The following DOCK9 variants were observed in gnomAD, a reference collection of about 807,000 sequenced individuals.
The protein encoded by DOCK9 is dedicator of cytokinesis protein 9.
In DOCK9, 89 loss-of-function variants were observed where a neutral mutation model predicts 263.3. That is an observed-to-expected ratio of 0.34 (90% confidence interval 0.28 to 0.40). The LOEUF (loss-of-function observed/expected upper bound fraction) is 0.40, where lower values mean the gene tolerates loss of function less well. Among genes scored for constraint, DOCK9 ranks in the 10% least tolerant of loss-of-function variants. DOCK9 has a pLI of 1.00. For synonymous variants in DOCK9, 976 were observed against 973.1 expected, an observed-to-expected ratio of 1.00 and a Z score of -0.06; for missense variants, 2,140 against 2,603.4, an observed-to-expected ratio of 0.82 and a Z score of 3.87.
At chr13:98,826,122 C>T in intron 44 of DOCK9, 1 of 452,958 alleles carries the variant, frequency 2.2e-6, no homozygotes, top group Non-Finnish European at 3.9e-6. Flanking sequence ...CACACTATTT[C>T]TCACTTCGTA....
chr13:99,088,522 A>C (rs1486449588), upstream of DOCK9: 1 of 152,234 alleles, frequency 6.6e-6, no homozygotes, highest in African/African-American at 2.4e-5. Context: ...GTACCAGACA[A>C]CACAAACTTT....
chr13:98,858,046 C>T (rs2093750920), intron 33 of DOCK9: 1 of 152,012 alleles, frequency 6.6e-6, no homozygotes, highest in African/African-American at 2.4e-5. Flanking sequence ...GCCCTAAGTT[C>T]TCAGAGTCTC....
At position 98,930,251 on chromosome 13, in the gene DOCK9, T is replaced by C. The variant is rs1595416307; in HGVS notation, c.250A>G (p.Ile84Val). Residue 84 changes from isoleucine to valine, a missense_variant, in exon 3 of 53, where the codon ATC becomes GTC. Ile to Val is a conservative substitution (Grantham distance 29). Coordinates refer to ENST00000682017, the MANE Select transcript of DOCK9 (RefSeq NM_001366683.2). ...LFPYDDFQTA[I>V]LRRQGRYICS... ...ATGTATCGACCCTGTCGTCTCAGGA[T>C]GGCCGTCTGGAAACAAAAACAGGAG... 2.5e-6 allele frequency: 4 copies of C among 1,609,402 alleles called. No homozygotes were observed. In the East Asian group the frequency reaches 8.9e-5, roughly 36 times the overall value.
At chr13:98,977,745 T>C (rs1875427052) in intron 1 of DOCK9, 39 bp downstream of exon 1, 2 of 1,602,182 alleles carry the variant, frequency 1.2e-6, no homozygotes, top group Admixed American at 1.7e-5. Context: ...AACCCAGCAT[T>C]GGGTAGACAC....
intron 1 of DOCK9, among the ~76,000 whole-genome samples, chr13:99,085,751 G>A (rs117818461): frequency 0.026 from 3,975 of 151,894 alleles, 83 homozygotes; most frequent in Non-Finnish European, 0.04. Flanking sequence ...GGTTAGCAGG[G>A]GCATCTCCCA....
In DOCK9 at chr13:98,805,066, T is replaced by C. The variant is rs1361603059; in HGVS notation, c.5658A>G (p.Pro1886=). The change falls in exon 49 of 53, where the codon CCA becomes CCG. Residue 1886 remains proline, a synonymous_variant. Transcript: ENST00000682017. ...HNIRRFMFEM[P]FTQTGKRQGG... Reference sequence around the variant, plus strand: ...CCTGCCTCTTCCCGGTCTGCGTAAATGGCATCTCAAACATGAAGCGGCGGA... The same window carrying C: ...CCTGCCTCTTCCCGGTCTGCGTAAACGGCATCTCAAACATGAAGCGGCGGA... The C allele has an allele frequency of 1.4e-5, 23 of 1,612,414 alleles. No individual in the cohort carries two copies. Among genetic ancestry groups the C allele is most frequent in the South Asian group, 2.2e-5 (2 of 90,576 alleles).
chr13:98,892,238 C>T (rs1209598574), intron 15 of DOCK9, among the ~76,000 whole-genome samples: 2 of 152,090 alleles, frequency 1.3e-5, no homozygotes, highest in African/African-American at 4.8e-5. Flanking sequence ...TTCCCACTGC[C>T]CATCCATTTC....
intron 1 of DOCK9, among the ~76,000 whole-genome samples, chr13:99,056,035 C>A (rs1290929943): frequency 6.6e-6 from 1 of 152,110 alleles, no homozygotes; most frequent in Non-Finnish European, 1.5e-5. Context: ...TGAAACAGAA[C>A]CTGGTCTGGT....
intron 1 of DOCK9, among the ~76,000 whole-genome samples, chr13:99,052,654 G>A (rs544979236): frequency 4.6e-5 from 7 of 151,980 alleles, no homozygotes; most frequent in South Asian, 4.1e-4. Flanking sequence ...GGAGAGCAAC[G>A]CAGTGGTGCA....
chr13:99,009,486 ACCTC>A (rs1270035781), intron 1 of DOCK9, among the ~76,000 whole-genome samples: 1 of 152,002 alleles, frequency 6.6e-6, no homozygotes, highest in Non-Finnish European at 1.5e-5. Flanking sequence ...CCTTCATGAC[ACCTC>A]GAGGCAGATA....
In DOCK9 at chr13:98,845,966, G is replaced by T. The variant is rs777618453; in HGVS notation, c.4156C>A (p.Gln1386Lys). 1.2e-6 allele frequency: 2 copies of T among 1,613,290 alleles called. No homozygotes were observed. The highest frequency in any genetic ancestry group is 1.1e-5 in the South Asian group (1 of 90,780). The change falls in exon 38 of 53, where the codon CAG becomes AAG. Residue 1386 changes from glutamine to lysine, a missense_variant. Physicochemically the swap from Gln to Lys is moderately conservative, Grantham distance 53. Around this residue, in one of 2 missense-constraint regions of DOCK9, gnomAD observed 1,521 missense variants for 1,741.7 expected, o/e 0.87. Coordinates refer to ENST00000682017, the MANE Select transcript of DOCK9 (RefSeq NM_001366683.2). Reference sequence around the variant, plus strand: ...GAGTTATCCAGGCTGCCCAGCTGCTGCAATCTGGCATGCATCATTCCTGTT... The same window carrying T: ...GAGTTATCCAGGCTGCCCAGCTGCTTCAATCTGGCATGCATCATTCCTGTT... ...NRTGMMHARL[Q>K]QLGSLDNSLT...
At chr13:99,020,343 T>C (rs1421427156) in intron 1 of DOCK9, among the ~76,000 whole-genome samples, 1 of 152,202 alleles carries the variant, frequency 6.6e-6, no homozygotes, top group Non-Finnish European at 1.5e-5. Flanking sequence ...AGCAATATAC[T>C]AAACCACATT....
intron 1 of DOCK9, among the ~76,000 whole-genome samples, chr13:98,971,897 A>G (rs1300822673): frequency 6.6e-6 from 1 of 152,220 alleles, no homozygotes; most frequent in African/African-American, 2.4e-5. Flanking sequence ...TCTTCATGCT[A>G]TTCAACCACT....
At position 98,793,905 on chromosome 13, in the gene DOCK9, T is replaced by C. The variant is rs1303322130; in HGVS notation, c.*721A>G. ...AAAATGTAGAAATGTAATACATATA[T>C]GTACAGAATGCCAGGACTGTATTAA... On this transcript the variant is annotated 3_prime_UTR_variant, in exon 53 of 53. Coordinates refer to ENST00000682017, the MANE Select transcript of DOCK9 (RefSeq NM_001366683.2). The C allele has an allele frequency of 6.6e-6, 1 of 152,652 alleles. No individual in the cohort carries two copies. Among genetic ancestry groups the C allele is most frequent in the African/African-American group, 2.4e-5 (1 of 41,458 alleles). The allele number at this position is 152,652 out of a possible 1,614,324, so 9.5% of individuals were successfully genotyped here.
At chr13:98,858,016 C>A (rs1232354739) in intron 33 of DOCK9, 2 of 151,954 alleles carry the variant, frequency 1.3e-5, no homozygotes, top group Admixed American at 6.6e-5. Flanking sequence ...AGAAAGAGGT[C>A]CTCAGTAAAG....
At chr13:98,880,143 T>C (rs867581800) in intron 26 of DOCK9, among the ~76,000 whole-genome samples, 174 bp from the exon 27 acceptor site, 1 of 151,978 alleles carries the variant, frequency 6.6e-6, no homozygotes, top group Non-Finnish European at 1.5e-5. Flanking sequence ...GTCTTCTGCT[T>C]GCACAAGTTT....
chr13:99,006,445 T>C (rs1883349438), intron 1 of DOCK9, among the ~76,000 whole-genome samples: 1 of 152,212 alleles, frequency 6.6e-6, no homozygotes, highest in Admixed American at 6.5e-5. Flanking sequence ...ACCTAAATAC[T>C]GAACAACAGA....
At chr13:98,818,021 ACTT>A (rs1433596801) in intron 45 of DOCK9, among the ~76,000 whole-genome samples, 1 of 152,182 alleles carries the variant, frequency 6.6e-6, no homozygotes, top group Non-Finnish European at 1.5e-5. Context: ...TCCAAATATC[ACTT>A]ATTATTATAA....
At chr13:98,994,441 G>A (rs1880529367) in intron 1 of DOCK9, among the ~76,000 whole-genome samples, 3 of 152,118 alleles carry the variant, frequency 2.0e-5, no homozygotes, top group South Asian at 4.1e-4. Context: ...TACAGAAACC[G>A]GCCCCCTCAA....
Sources: gnomAD v4.1 joint callset for allele counts (sites outside exome capture counted in the v4.1 genomes callset) on GRCh38, gnomAD v4.1.1 for gene constraint, gnomAD v4.1.1 regional missense constraint, MANE v1.5 for transcripts, NCBI Gene and HGNC (gene_info 2026-07-23, HGNC 2026-07-21) for gene names.